APOO: variants seen among roughly 807,000 people sequenced by gnomAD.
APOO encodes the protein MICOS complex subunit MIC26.
A neutral mutation model predicts 23.1 loss-of-function variants in APOO; 11 were observed. The ratio of observed to expected loss-of-function variants is 0.48; its 90% confidence interval spans 0.30 to 0.79. APOO has a LOEUF of 0.79. Among genes scored for constraint, APOO ranks in the 30% least tolerant of loss-of-function variants. APOO has a pLI of 0.07. For missense variants in APOO, 160 were observed against 142.7 expected, an observed-to-expected ratio of 1.12 and a Z score of -0.62; for synonymous variants, 59 against 54.8, an observed-to-expected ratio of 1.08 and a Z score of -0.34.
At chrX:23,842,864 A>C (rs937265935) in intron 7 of APOO, among the ~76,000 whole-genome samples, 2 of 111,362 alleles carry the variant, frequency 1.8e-5, no homozygotes, top group Non-Finnish European at 3.8e-5. Context: ...CAAAATTAGC[A>C]GGGCATGGTG....
At chrX:23,881,182 C>A (rs1419880762) in intron 1 of APOO, among the ~76,000 whole-genome samples, 2 of 110,394 alleles carry the variant, frequency 1.8e-5, no homozygotes, top group African/African-American at 3.3e-5. Context: ...TCAAGCGATT[C>A]TTCTACCTCA....
chrX:23,907,726 C>A lies in APOO; in HGVS notation c.-24G>T. 8.6e-7 allele frequency: 1 copy of A among 1,160,244 alleles called. No individual in the cohort carries two copies. The highest frequency in any genetic ancestry group is 1.1e-6 in the Non-Finnish European group (1 of 870,434). On this transcript the variant is annotated 5_prime_UTR_variant, in exon 1 of 9. Coordinates refer to ENST00000379226, the MANE Select transcript of APOO (RefSeq NM_024122.5). The stretch of plus-strand genomic sequence containing the variant: ...ATGTCGCTGGCAGCGGAGGCTCCGG[C>A]AGGGTCACCCCGGCCTCGGCCACGC...
At chrX:23,869,056 C>T (rs1032342110) in intron 4 of APOO, among the ~76,000 whole-genome samples, 12 of 109,130 alleles carry the variant, frequency 1.1e-4, no homozygotes, top group African/African-American at 3.7e-4. Context: ...TTACAAGCGC[C>T]CGCCACCACG....
intron 1 of APOO, among the ~76,000 whole-genome samples, chrX:23,899,484 G>C (rs916870956): frequency 8.9e-6 from 1 of 112,149 alleles, no homozygotes; most frequent in Non-Finnish European, 1.9e-5. Flanking sequence ...CTCAGCAAAA[G>C]TGAAAAATAA....
At chrX:23,904,374 T>C (rs1927260240) in intron 1 of APOO, among the ~76,000 whole-genome samples, 1 of 111,081 alleles carries the variant, frequency 9.0e-6, no homozygotes, top group Non-Finnish European at 1.9e-5. Flanking sequence ...GTGGGAGTTT[T>C]TTCTCTCTCC....
At chrX:23,838,915 T>G (rs371598250) in intron 8 of APOO, among the ~76,000 whole-genome samples, 42 of 112,024 alleles carry the variant, frequency 3.7e-4, no homozygotes, top group African/African-American at 1.3e-3. Flanking sequence ...TAATTTCCCT[T>G]TATTCTATGT....
chrX:23,907,758 T>A lies in APOO; in HGVS notation c.-56A>T, dbSNP rs770394482. 2 of 1,134,217 alleles carry A rather than the reference T, an allele frequency of 1.8e-6. No individual in the cohort carries two copies. Among genetic ancestry groups the A allele is most frequent in the African/African-American group, 1.8e-5 (1 of 54,781 alleles). 93.5% of individuals were successfully genotyped at this position (1,134,217 alleles called of 1,213,427 possible). On this transcript the variant is annotated 5_prime_UTR_variant, in exon 1 of 9. Coordinates refer to ENST00000379226, the MANE Select transcript of APOO (RefSeq NM_024122.5). ...ACCCCGGCCTCGGCCACGCCCACTA[T>A]AGAGAGGTGACTACGGAGGCCCGGT... is the stretch of plus-strand genomic sequence containing the variant.
chrX:23,852,562 C>T (rs932886218), intron 7 of APOO, among the ~76,000 whole-genome samples: 10 of 108,177 alleles, frequency 9.2e-5, no homozygotes, highest in African/African-American at 3.4e-4. Context: ...TGCAGTGAGC[C>T]GAGATCGTGC....
At chrX:23,871,256 G>C (rs776923538) in intron 4 of APOO, among the ~76,000 whole-genome samples, 1 of 103,160 alleles carries the variant, frequency 9.7e-6, no homozygotes, top group African/African-American at 3.6e-5. Flanking sequence ...CCAGCTACTC[G>C]GGAGGCTGAG....
chrX:23,900,209 G>A (rs914363171), intron 1 of APOO, among the ~76,000 whole-genome samples: 16 of 112,247 alleles, frequency 1.4e-4, no homozygotes, highest in African/African-American at 5.2e-4. Context: ...TACTTCAGTG[G>A]ACAAATGTGA....
At chrX:23,849,045 G>T (rs979922263) in intron 7 of APOO, among the ~76,000 whole-genome samples, 3 of 108,886 alleles carry the variant, frequency 2.8e-5, no homozygotes, top group African/African-American at 1.0e-4. Context: ...TTTTAGTAGA[G>T]ACAGGGTTTC....
At chrX:23,835,602 T>C (rs1158107498) in intron 8 of APOO, among the ~76,000 whole-genome samples, 1 of 111,797 alleles carries the variant, frequency 8.9e-6, no homozygotes, top group Non-Finnish European at 1.9e-5. Flanking sequence ...TAGGAAATCA[T>C]TAAGCAACTA....
intron 5 of APOO, among the ~76,000 whole-genome samples, chrX:23,859,079 C>A (rs1689143156): frequency 9.0e-6 from 1 of 111,672 alleles, no homozygotes; most frequent in Non-Finnish European, 1.9e-5. Flanking sequence ...AAACTCCAGC[C>A]TGGGTGACAG....
intron 7 of APOO, among the ~76,000 whole-genome samples, chrX:23,848,690 T>TC (rs1275970252): frequency 1.9e-5 from 2 of 102,939 alleles, no homozygotes; most frequent in African/African-American, 7.0e-5. Context: ...TTTCTTTTCT[T>TC]TTTTTTTTTT....
chrX:23,857,530 C>T (rs1172503576), intron 6 of APOO, among the ~76,000 whole-genome samples: 1 of 111,596 alleles, frequency 9.0e-6, no homozygotes, highest in Non-Finnish European at 1.9e-5. Flanking sequence ...TCATCAAAGC[C>T]ATCAAGCTCC....
At chrX:23,854,560 G>A (rs1488932845) in intron 7 of APOO, among the ~76,000 whole-genome samples, 2 of 111,656 alleles carry the variant, frequency 1.8e-5, no homozygotes, top group Non-Finnish European at 3.8e-5. Context: ...TCGCTCTGTT[G>A]CCCAGGCTAG....
intron 1 of APOO, among the ~76,000 whole-genome samples, chrX:23,886,819 CTG>C (rs1176487796): frequency 8.9e-6 from 1 of 111,824 alleles, no homozygotes; most frequent in African/African-American, 3.2e-5. Context: ...ATCTTCGACA[CTG>C]TGTGCCTGCC....
At position 23,901,654 on chromosome X, in the gene APOO, G is replaced by A. The variant is rs749292565; in HGVS notation, c.9+6040C>T. On this transcript the variant is annotated intron_variant, in intron 1 of 8. Coordinates refer to ENST00000379226, the MANE Select transcript of APOO (RefSeq NM_024122.5). ...GAGAGCCCCAAGACCGTGCACCACC[G>A]TAACACAGGTAGTTACAAGATGCCA... Among the ~76,000 whole-genome samples the A allele has an allele frequency of 1.3e-4, 15 of 111,931 alleles. No individual in the cohort carries two copies. The South Asian group carries it at 5.6e-3, about 42-fold the overall frequency.
At chrX:23,840,148 A>G (rs1312882925) in intron 8 of APOO, 165 bp downstream of exon 8, 5 of 327,997 alleles carry the variant, frequency 1.5e-5, no homozygotes, top group Non-Finnish European at 2.6e-5. Flanking sequence ...ACAAACACAA[A>G]TAAGTAAGTC....
Sources: gnomAD v4.1 joint callset for allele counts (sites outside exome capture counted in the v4.1 genomes callset) on GRCh38, gnomAD v4.1.1 for gene constraint, MANE v1.5 for transcripts, NCBI Gene and HGNC (gene_info 2026-07-23, HGNC 2026-07-21) for gene names.